The following KMT2B variants were observed in gnomAD, a reference collection of about 807,000 sequenced individuals.
KMT2B encodes lysine methyltransferase 2B.
Under a neutral mutation model 255.3 loss-of-function variants are expected in KMT2B, and 22 were observed. The observed-to-expected ratio is 0.09, with a 90% CI of 0.06 to 0.12. The LOEUF is 0.12. Among genes scored for constraint, KMT2B ranks in the 10% least tolerant of loss-of-function variants. The probability of loss-of-function intolerance (pLI) is 1.00; values close to 1 mark genes in which losing one functional copy is unlikely to be tolerated. For synonymous variants in KMT2B, 1,730 were observed against 1,498.1 expected (o/e 1.15, Z -3.57); for missense variants, 3,149 against 3,737.0 (o/e 0.84, Z 4.10).
At position 35,721,668 on chromosome 19, in the gene KMT2B, A is replaced by G. The variant is rs548500672; in HGVS notation, c.2321A>G (p.Lys774Arg). The change falls in exon 3 of 37, where the codon AAA (lysine) becomes AGA (arginine). Residue 774 changes from lysine to arginine, a missense_variant. Coordinates refer to ENST00000420124, the MANE Select transcript of KMT2B (RefSeq NM_014727.3). Reference sequence around the variant, plus strand: ...CCACAGCAGATGCCTCCCCTGGAAAAAGCCCGGATTGCGGGCGTGGGTTCC... The same window carrying G: ...CCACAGCAGATGCCTCCCCTGGAAAGAGCCCGGATTGCGGGCGTGGGTTCC... ...PSPQQMPPLE[K>R]ARIAGVGSLP... The G allele has an allele frequency of 1.9e-6, 3 of 1,612,996 alleles. No homozygotes were observed. The African/African-American group carries it at 4.0e-5, about 21-fold the overall frequency.
chr19:35,738,266 C>T lies in KMT2B; in HGVS notation c.7873-16C>T, dbSNP rs1332640492. On this transcript the variant is annotated splice_polypyrimidine_tract_variant and intron_variant, in intron 36 of 36. Transcript: ENST00000420124. The surrounding 1 kb of genome is among the most constrained non-coding windows in gnomAD (Gnocchi z 8.7). The stretch of plus-strand genomic sequence containing the variant: ...GCGGGGACAGAGCACCTGATCTCCC[C>T]ACCTCATCCCTGCAGGGCATCGGGT... 6.2e-7 allele frequency: 1 copy of T among 1,613,242 alleles called. No individual in the cohort carries two copies. The highest frequency in any genetic ancestry group is 2.2e-5 in the East Asian group (1 of 44,840).
rs1378884779 is a variant in KMT2B, at chr19:35,730,859, C to T, written c.5429C>T (p.Pro1810Leu). The change falls in exon 26 of 37, where the codon CCT becomes CTT. Residue 1810 changes from proline to leucine, a missense_variant. Pro to Leu is a moderately conservative substitution (Grantham distance 98). Coordinates refer to ENST00000420124, the MANE Select transcript of KMT2B (RefSeq NM_014727.3). Reference sequence around the variant, plus strand: ...CAGACCATTGTGCACAGCCCCGCCCCTTCCTCAGGTGTGGCTTTGGCTCTG... The same window carrying T: ...CAGACCATTGTGCACAGCCCCGCCCTTTCCTCAGGTGTGGCTTTGGCTCTG... The part of the protein sequence containing the change: ...ENQTIVHSPA[P>L]SSEPPGGEDP... The T allele has an allele frequency of 2.5e-6, 4 of 1,604,878 alleles. No homozygotes were observed. The highest frequency in any genetic ancestry group is 3.4e-5 in the Admixed American group (2 of 58,556).
Position 35,736,706 on chromosome 19 carries a change from T to G in KMT2B, c.7176T>G (p.Ser2392=). ...WHHYSGEASS[S]EEEPPSPDDK... The stretch of plus-strand genomic sequence containing the variant: ...TGGGACCAGGTGAGGCTTCGAGCTC[T>G]GAGGAAGAGCCTCCATCCCCAGATG... Residue 2392 remains serine, a synonymous_variant, in exon 31 of 37, where the codon TCT becomes TCG. Coordinates refer to ENST00000420124, the MANE Select transcript of KMT2B (RefSeq NM_014727.3). 2.5e-6 allele frequency: 4 copies of G among 1,613,882 alleles called. No homozygotes were observed. The highest frequency in any genetic ancestry group is 3.4e-6 in the Non-Finnish European group (4 of 1,179,826).
At chr19:35,722,877 G>A in intron 5 of KMT2B, 118 bp from the exon 6 acceptor site, 1 of 1,416,040 alleles carries the variant, frequency 7.1e-7, no homozygotes. Context: ...TTCATTTGGG[G>A]GCACCAGGAA....
rs1275530480 is a variant in KMT2B, at chr19:35,718,099, CGGCGGGGGCGGG to C, written c.85_96del (p.Gly29_Gly32del). On this transcript the variant is annotated inframe_deletion, in exon 1 of 37. Transcript: ENST00000420124. The surrounding 1 kb of genome is among the most constrained non-coding windows in gnomAD (Gnocchi z 5.0). ...GCTTCCCGGGCCGGCCGCGGGGCGC[CGGCGGGGGCGGG>C]GGCCGCGGCGGACGGGGCAACGGGG... 1.0e-6 allele frequency: 1 copy of C among 990,392 alleles called. No individual in the cohort carries two copies. The highest frequency in any genetic ancestry group is 1.2e-6 in the Non-Finnish European group (1 of 834,724). The allele number at this position is 990,392 out of a possible 1,614,324, so 61.4% of individuals were successfully genotyped here.
rs764125298 is a variant in KMT2B at position 35,728,094 on chromosome 19, C to G, written c.4498-4C>G. 15 of 1,594,406 alleles carry G rather than the reference C, an allele frequency of 9.4e-6. No homozygotes were observed. The East Asian group carries it at 2.8e-4, about 29-fold the overall frequency. On this transcript the variant is annotated splice_polypyrimidine_tract_variant and splice_region_variant and intron_variant, in intron 18 of 36. Coordinates refer to ENST00000420124, the MANE Select transcript of KMT2B (RefSeq NM_014727.3). ...TCTTCTCATCCTGTTAACCCACTCCCCAGCTGCTAGAATCTGCGTTCGGCT... is the reference window on the plus strand; with the variant it reads ...TCTTCTCATCCTGTTAACCCACTCCGCAGCTGCTAGAATCTGCGTTCGGCT...
Position 35,721,711 on chromosome 19 carries a change from A to G in KMT2B, c.2364A>G (p.Val788=). Residue 788 remains valine (V), a synonymous_variant, in exon 3 of 37, where the codon GTA becomes GTG. Coordinates refer to ENST00000420124, the MANE Select transcript of KMT2B (RefSeq NM_014727.3). Reference sequence around the variant, plus strand: ...TGGGTTCCTTGCCGCTGTCTGGGGTAGAGGAGAAGATGTTCAGCCTCCTCA... The same window carrying G: ...TGGGTTCCTTGCCGCTGTCTGGGGTGGAGGAGAAGATGTTCAGCCTCCTCA... ...AGVGSLPLSG[V]EEKMFSLLKR... 2 of 1,610,612 alleles carry G rather than the reference A, an allele frequency of 1.2e-6. No individual in the cohort carries two copies. The highest frequency in any genetic ancestry group is 1.7e-6 in the Non-Finnish European group (2 of 1,178,366).
At position 35,727,290 on chromosome 19, in the gene KMT2B, G is replaced by A. The variant is rs1471775659; in HGVS notation, c.4117+21G>A. ...CTCAGGTGAGTCAGTGGAGCACCTG[G>A]GCTGCAGCCTCAACCCTGTGGGGAC... is the stretch of plus-strand genomic sequence containing the variant. On this transcript the variant is annotated intron_variant, in intron 15 of 36. Transcript: ENST00000420124. The surrounding 1 kb of genome is among the most constrained non-coding windows in gnomAD (Gnocchi z 4.2). 6.3e-7 allele frequency: 1 copy of A among 1,594,342 alleles called. No individual in the cohort carries two copies. Among genetic ancestry groups the A allele is most frequent in the East Asian group, 2.2e-5 (1 of 44,786 alleles).
In KMT2B at chr19:35,723,448, T is replaced by C. The variant is rs1242546313; in HGVS notation, c.3004T>C (p.Tyr1002His). ...GPNTKKQCCV[Y>H]RKCDKIEARK... is the part of the protein sequence containing the mutation. ...GTGACGTGCTGCTCCCCTCCCCAGA[T>C]ACCGGAAGTGTGACAAAATAGAGGC... The change falls in exon 7 of 37, where the codon TAC (tyrosine) becomes CAC (histidine). Residue 1002 changes from tyrosine to histidine, a missense_variant and splice_region_variant. Tyr to His is a moderately conservative substitution (Grantham distance 83, BLOSUM62 2). Coordinates refer to ENST00000420124, the MANE Select transcript of KMT2B (RefSeq NM_014727.3). The surrounding 1 kb of genome is among the most constrained non-coding windows in gnomAD (Gnocchi z 7.5). 1 of 1,576,834 alleles carries C rather than the reference T, an allele frequency of 6.3e-7. No individual in the cohort carries two copies. The highest frequency in any genetic ancestry group is 8.6e-7 in the Non-Finnish European group (1 of 1,161,824).
rs1384534018 is a variant in KMT2B, at chr19:35,731,996, C to T, written c.5526C>T (p.Asp1842=). The part of the protein sequence containing the change: ...PERHSPIQNL[D]PPLRPDSGSA... ...GCCACTCGCCCATTCAGAACCTGGA[C>T]CCTCCACTGCGGCCAGATTCAGGCA... Residue 1842 remains aspartate, a synonymous_variant, in exon 27 of 37, where the codon GAC becomes GAT. Coordinates refer to ENST00000420124, the MANE Select transcript of KMT2B (RefSeq NM_014727.3). 15 of 1,613,714 alleles carry T rather than the reference C, an allele frequency of 9.3e-6. No homozygotes were observed. In the East Asian group the frequency reaches 1.1e-4, roughly 12 times the overall value.
rs762860324 is a variant in KMT2B, at chr19:35,733,645, C to G, written c.7008C>G (p.Asp2336Glu). 5.8e-5 allele frequency: 93 copies of G among 1,598,662 alleles called. No individual in the cohort carries two copies. Among genetic ancestry groups the G allele is most frequent in the Non-Finnish European group, 6.9e-5 (81 of 1,173,160 alleles). The part of the protein sequence containing the change: ...MKTPTVRGVL[D>E]LDRPGEPAGE... ...CCCCCACAGTGCGTGGGGTCCTTGA[C>G]CTGGATCGGCCTGGGGAGCCCGCTG... The change falls in exon 29 of 37, where the codon GAC becomes GAG. Residue 2336 changes from aspartate to glutamate, a missense_variant. Physicochemically the swap from Asp to Glu is conservative, Grantham distance 45. This residue lies in a region of KMT2B where 897 missense variants were observed against 825.3 expected (regional missense o/e 1.09). Coordinates refer to ENST00000420124, the MANE Select transcript of KMT2B (RefSeq NM_014727.3). This position sits in a 1 kb window ranked among gnomAD's most constrained non-coding sequence, Gnocchi z 4.3.
rs966506392 is a variant in KMT2B, at chr19:35,738,621, G to T, written c.*64G>T. The T allele has an allele frequency of 1.9e-6, 3 of 1,542,590 alleles. No individual in the cohort carries two copies. The Admixed American group carries it at 5.5e-5, about 28-fold the overall frequency. On this transcript the variant is annotated 3_prime_UTR_variant, in exon 37 of 37. Transcript: ENST00000420124. The surrounding 1 kb of genome is among the most constrained non-coding windows in gnomAD (Gnocchi z 8.7). ...TGCCGTCGCTGCCATCTTGCCCCTA[G>T]CCTGGGGGCTCCCTAGCCCCTCCCA...
At chr19:35,730,242 T>A in intron 23 of KMT2B, 100 bp from the exon 24 acceptor site, 1 of 1,595,162 alleles carries the variant, frequency 6.3e-7, no homozygotes, top group Non-Finnish European at 8.6e-7. Flanking sequence ...TCATCTGTTT[T>A]CCCAGAGGCC....
chr19:35,730,826 A>G lies in KMT2B; in HGVS notation c.5396A>G (p.Glu1799Gly), dbSNP rs774263268. The part of the protein sequence containing the change: ...REEPAHLEAA[E>G]ENQTIVHSPA... ...GAGCCAGCTCACCTGGAGGCTGCAG[A>G]GGAGAACCAGACCATTGTGCACAGC... is the stretch of plus-strand genomic sequence containing the variant. Residue 1799 changes from glutamate to glycine, a missense_variant, in exon 26 of 37, where the codon GAG becomes GGG. By Grantham distance (98) the Glu-to-Gly change is moderately conservative. This residue lies in a region of KMT2B where 34 missense variants were observed against 51.6 expected (regional missense o/e 0.66). Transcript: ENST00000420124. 3 of 1,612,986 alleles carry G rather than the reference A, an allele frequency of 1.9e-6. No individual in the cohort carries two copies. Among genetic ancestry groups the G allele is most frequent in the Non-Finnish European group, 2.5e-6 (3 of 1,179,590 alleles).
At chr19:35,729,399 C>A in intron 22 of KMT2B, 103 bp downstream of exon 22, 1 of 1,431,802 alleles carries the variant, frequency 7.0e-7, no homozygotes, top group South Asian at 1.3e-5. Context: ...GGCATCCTTT[C>A]ACTGCCAGGC....
At chr19:35,729,778 T>C (rs1212203471) in intron 22 of KMT2B, among the ~76,000 whole-genome samples, 189 bp from the exon 23 acceptor site, 1 of 152,252 alleles carries the variant, frequency 6.6e-6, no homozygotes, top group Non-Finnish European at 1.5e-5. Flanking sequence ...AGTATTGTCA[T>C]TCTTGCTTCA....
In KMT2B at chr19:35,737,441, G is replaced by A; in HGVS notation, c.7550+178G>A. 1 of 821,936 alleles carries A rather than the reference G, an allele frequency of 1.2e-6. No homozygotes were observed. Among genetic ancestry groups the A allele is most frequent in the Non-Finnish European group, 1.8e-6 (1 of 543,136 alleles). The allele number at this position is 821,936 out of a possible 1,614,324, so 50.9% of individuals were successfully genotyped here. A position where few individuals can be genotyped will look rare whatever the true frequency, so the allele number is the denominator to read the frequency against. The stretch of plus-strand genomic sequence containing the variant: ...TCATGCCTGTAATCCCGCCACTTTG[G>A]GAGGCCGAGGCAGGAGGATCGCATG... On this transcript the variant is annotated intron_variant, in intron 33 of 36. Coordinates refer to ENST00000420124, the MANE Select transcript of KMT2B (RefSeq NM_014727.3). This position sits in a 1 kb window ranked among gnomAD's most constrained non-coding sequence, Gnocchi z 5.3.
chr19:35,719,731 C>A, intron 2 of KMT2B, 53 bp from the exon 3 acceptor site: 1 of 1,536,602 alleles, frequency 6.5e-7, no homozygotes, highest in South Asian at 1.3e-5. Flanking sequence ...GAGCGCCTTC[C>A]TCTGTGTGTA....
At chr19:35,728,219 G>A (rs1227396273) in intron 19 of KMT2B, 48 bp downstream of exon 19, 12 of 1,519,880 alleles carry the variant, frequency 7.9e-6, no homozygotes, top group Non-Finnish European at 1.1e-5. Flanking sequence ...TGAGGGCAAG[G>A]CCAGGGCATG....
Sources: gnomAD v4.1 joint callset for allele counts (sites outside exome capture counted in the v4.1 genomes callset) on GRCh38, gnomAD v4.1.1 for gene constraint, gnomAD v4.1.1 regional missense constraint, Gnocchi (gnomAD v3.1) non-coding constraint, MANE v1.5 for transcripts, NCBI Gene and HGNC (gene_info 2026-07-23, HGNC 2026-07-21) for gene names.